Variants in CTNND2 observed in about 807,000 individuals in gnomAD.
CTNND2 encodes catenin delta-2.
Under a neutral mutation model 144.4 loss-of-function variants are expected in CTNND2, and 22 were observed. The ratio of observed to expected loss-of-function variants is 0.15; its 90% CI spans 0.11 to 0.22. The LOEUF (loss-of-function observed/expected upper bound fraction) is 0.22. Among genes scored for constraint, CTNND2 ranks in the 10% least tolerant of loss-of-function variants. CTNND2 has a pLI of 1.00. For synonymous variants in CTNND2, 751 were observed against 695.6 expected, an observed-to-expected ratio of 1.08 and a Z score of -1.25; for missense variants, 1,353 against 1,618.8, an observed-to-expected ratio of 0.84 and a Z score of 2.82.
chr5:11,359,212 C>T (rs995392748), intron 8 of CTNND2, among the ~76,000 whole-genome samples: 1 of 152,198 alleles, frequency 6.6e-6, no homozygotes, highest in Non-Finnish European at 1.5e-5. Flanking sequence ...TTTTGACAAG[C>T]CTCATCTCAC....
intron 1 of CTNND2, among the ~76,000 whole-genome samples, chr5:11,811,893 A>T (rs1306369572): frequency 6.6e-6 from 1 of 152,230 alleles, no homozygotes; most frequent in Non-Finnish European, 1.5e-5. Flanking sequence ...TCCAGAGAAA[A>T]ATATGGAAGT....
intron 16 of CTNND2, among the ~76,000 whole-genome samples, chr5:11,072,298 G>A (rs1294149173): frequency 1.3e-5 from 2 of 152,206 alleles, no homozygotes; most frequent in African/African-American, 4.8e-5. Flanking sequence ...ATGTGCATCA[G>A]CCCAGGCTAT....
chr5:11,350,016 A>C (rs1259408975), intron 8 of CTNND2, among the ~76,000 whole-genome samples: 1 of 152,188 alleles, frequency 6.6e-6, no homozygotes, highest in African/African-American at 2.4e-5. Flanking sequence ...ACGTGCCTGT[A>C]ATCCCAGCTA....
intron 3 of CTNND2, among the ~76,000 whole-genome samples, chr5:11,452,382 T>C (rs1765379790): frequency 6.6e-6 from 1 of 152,158 alleles, no homozygotes; most frequent in African/African-American, 2.4e-5. Flanking sequence ...AAGAATAAAA[T>C]TTTATAATTT....
intron 3 of CTNND2, among the ~76,000 whole-genome samples, chr5:11,522,080 A>T (rs763360482): frequency 8.5e-5 from 13 of 152,214 alleles, no homozygotes; most frequent in Admixed American, 3.3e-4. Flanking sequence ...TTGGCTATTA[A>T]TTCTGTGGAC....
intron 11 of CTNND2, among the ~76,000 whole-genome samples, chr5:11,171,318 C>T (rs1417559631): frequency 6.6e-6 from 1 of 152,190 alleles, no homozygotes; most frequent in Non-Finnish European, 1.5e-5. Flanking sequence ...GGTATAAACA[C>T]AGGCTCTCAC....
chr5:11,821,394 G>A (rs963609192), intron 1 of CTNND2, among the ~76,000 whole-genome samples: 2 of 152,106 alleles, frequency 1.3e-5, no homozygotes, highest in Non-Finnish European at 2.9e-5. Flanking sequence ...ATCAATACAT[G>A]AAAGAATTCA....
chr5:11,310,526 CT>C (rs1283205778), intron 9 of CTNND2, among the ~76,000 whole-genome samples: 1 of 152,088 alleles, frequency 6.6e-6, no homozygotes, highest in East Asian at 1.9e-4. Flanking sequence ...TGTAATCTTC[CT>C]GCAACTCAGC....
At chr5:11,122,379 C>T (rs1754232970) in intron 12 of CTNND2, among the ~76,000 whole-genome samples, 1 of 152,114 alleles carries the variant, frequency 6.6e-6, no homozygotes, top group South Asian at 2.1e-4. Context: ...TTCCCAGTTT[C>T]TCACCCGTCT....
chr5:11,827,850 G>T (rs1793679648), intron 1 of CTNND2, among the ~76,000 whole-genome samples: 1 of 152,112 alleles, frequency 6.6e-6, no homozygotes, highest in African/African-American at 2.4e-5. Flanking sequence ...TATTTTAAAA[G>T]AAATTATACC....
chr5:11,552,909 T>C (rs1775889578), intron 3 of CTNND2, among the ~76,000 whole-genome samples: 1 of 152,214 alleles, frequency 6.6e-6, no homozygotes, highest in Non-Finnish European at 1.5e-5. Flanking sequence ...ACATGCATCT[T>C]GGTAAAAGCT....
At chr5:11,665,788 C>A (rs1412123964) in intron 2 of CTNND2, among the ~76,000 whole-genome samples, 1 of 152,146 alleles carries the variant, frequency 6.6e-6, no homozygotes, top group Non-Finnish European at 1.5e-5. Context: ...CTAACCCTTT[C>A]CTGTCTCACA....
chr5:11,109,302 C>T (rs1752716627), intron 14 of CTNND2, among the ~76,000 whole-genome samples: 1 of 152,102 alleles, frequency 6.6e-6, no homozygotes, highest in Admixed American at 6.5e-5. Flanking sequence ...TAGTATGGTT[C>T]AATAGCAACC....
chr5:11,084,094 C>G (rs1206551901), intron 15 of CTNND2: 3 of 330,552 alleles, frequency 9.1e-6, no homozygotes, highest in African/African-American at 6.7e-5. Flanking sequence ...CTCTAGGAAG[C>G]CTTGAGGGGG....
intron 2 of CTNND2, among the ~76,000 whole-genome samples, chr5:11,710,128 A>C (rs1284291925): frequency 6.6e-6 from 1 of 152,164 alleles, no homozygotes; most frequent in African/African-American, 2.4e-5. Flanking sequence ...TCCCAAGAGA[A>C]GGGCAGGCAA....
chr5:11,884,673 T>C (rs1736387318), intron 1 of CTNND2, among the ~76,000 whole-genome samples: 1 of 152,128 alleles, frequency 6.6e-6, no homozygotes, highest in Non-Finnish European at 1.5e-5. Flanking sequence ...GTCTATTCAC[T>C]CTGGGTAGAA....
intron 1 of CTNND2, among the ~76,000 whole-genome samples, chr5:11,809,251 A>G (rs1007072458): frequency 3.3e-5 from 5 of 152,210 alleles, no homozygotes; most frequent in African/African-American, 1.2e-4. Context: ...CATTGATTGT[A>G]TCACTTTCAA....
At chr5:11,466,293 G>C (rs1236471810) in intron 3 of CTNND2, among the ~76,000 whole-genome samples, 1 of 152,104 alleles carries the variant, frequency 6.6e-6, no homozygotes, top group Admixed American at 6.5e-5. Context: ...AAATACAAAA[G>C]ACTGTTCCAT....
intron 1 of CTNND2, among the ~76,000 whole-genome samples, chr5:11,819,489 AC>A (rs1793198575): frequency 6.6e-6 from 1 of 151,922 alleles, no homozygotes; most frequent in Non-Finnish European, 1.5e-5. Context: ...AATGAAGAAA[AC>A]CCTGCAAAAC....
Sources: gnomAD v4.1 joint callset for allele counts (sites outside exome capture counted in the v4.1 genomes callset) on GRCh38, gnomAD v4.1.1 for gene constraint, MANE v1.5 for transcripts, NCBI Gene and HGNC (gene_info 2026-07-23, HGNC 2026-07-21) for gene names.